Variants in NAV3 observed in about 807,000 individuals in gnomAD.
NAV3 encodes the protein pore membrane and/or filament interacting like protein 1.
NAV3 carries 87 observed loss-of-function variants against 244.7 expected under a neutral mutation model. That is an observed-to-expected ratio of 0.36 (90% CI 0.30 to 0.42). The LOEUF is 0.42. NAV3 is among the 20% of genes least tolerant of loss of function. The pLI is 1.00. For synonymous variants in NAV3, 1,126 were observed against 1,042.2 expected (o/e 1.08, Z -1.55); for missense variants, 2,663 against 2,893.3 (o/e 0.92, Z 1.83).
intron 2 of NAV3, among the ~76,000 whole-genome samples, chr12:77,774,797 A>T (rs1445031824): frequency 6.6e-6 from 1 of 152,228 alleles, no homozygotes; most frequent in Non-Finnish European, 1.5e-5. Context: ...AAAACATGTT[A>T]TTCTAATCTC....
At chr12:77,774,150 A>G (rs1870236136) in intron 2 of NAV3, among the ~76,000 whole-genome samples, 1 of 152,226 alleles carries the variant, frequency 6.6e-6, no homozygotes, top group Non-Finnish European at 1.5e-5. Flanking sequence ...TTATGCCCAT[A>G]TAAACAGCAT....
intron 7 of NAV3, among the ~76,000 whole-genome samples, chr12:77,999,168 C>T (rs533307439): frequency 3.9e-5 from 6 of 152,124 alleles, no homozygotes; most frequent in African/African-American, 9.6e-5. Flanking sequence ...GCAGAGAGGA[C>T]GGGGATGAGT....
intron 2 of NAV3, among the ~76,000 whole-genome samples, chr12:77,714,195 G>A (rs532307036): frequency 2.0e-5 from 3 of 152,190 alleles, no homozygotes; most frequent in Admixed American, 6.6e-5. Flanking sequence ...GCACAGAGAT[G>A]TCAGATCTCA....
intron 2 of NAV3, among the ~76,000 whole-genome samples, chr12:77,695,039 A>G (rs138984694): frequency 6.6e-6 from 1 of 152,312 alleles, no homozygotes; most frequent in African/African-American, 2.4e-5. Context: ...AAGCTGCTCT[A>G]AGAACTTTAT....
chr12:78,042,902 A>C (rs1881118145), intron 9 of NAV3, among the ~76,000 whole-genome samples: 1 of 152,200 alleles, frequency 6.6e-6, no homozygotes, highest in East Asian at 1.9e-4. Flanking sequence ...CACCCAGAAC[A>C]CCTTGAAATA....
rs541167470 is a variant in NAV3, at chr12:77,789,208, T to G, written c.73-151111T>G. Among the ~76,000 whole-genome samples, 4 of 152,110 alleles carry G rather than the reference T, an allele frequency of 2.6e-5. No homozygotes were observed. The East Asian group carries it at 7.7e-4, about 29-fold the overall frequency. ...TAAATTCTCTACTTCTTTGCCAGAG[T>G]GAGATTTCCTTGAATGCATGTCTGA... On this transcript the variant is annotated intron_variant, in intron 2 of 8. Coordinates refer to the NAV3 transcript ENST00000550042.
At chr12:77,789,942 A>G (rs1303512913) in intron 2 of NAV3, among the ~76,000 whole-genome samples, 1 of 152,136 alleles carries the variant, frequency 6.6e-6, no homozygotes, top group Non-Finnish European at 1.5e-5. Context: ...CCTGGGCCGA[A>G]TGTGGGTGGC....
chr12:77,864,505 A>G (rs1879719262), intron 1 of NAV3, among the ~76,000 whole-genome samples: 1 of 151,970 alleles, frequency 6.6e-6, no homozygotes, highest in Non-Finnish European at 1.5e-5. Context: ...ATAAATATTT[A>G]TGGAGCTTTG....
At chr12:77,583,709 A>G (rs1418129574) in intron 2 of NAV3, among the ~76,000 whole-genome samples, 1 of 152,150 alleles carries the variant, frequency 6.6e-6, no homozygotes, top group African/African-American at 2.4e-5. Flanking sequence ...TATAGCAATG[A>G]CCTTTTAAAT....
chr12:78,021,674 G>A (rs908305835), intron 8 of NAV3, 73 bp from the exon 9 acceptor site: 1 of 1,012,762 alleles, frequency 9.9e-7, no homozygotes, highest in Non-Finnish European at 1.5e-6. Flanking sequence ...AATATTTCTT[G>A]TAGAACTTCC....
intron 1 of NAV3, among the ~76,000 whole-genome samples, chr12:77,839,048 C>T (rs1402313): frequency 0.66 from 100,184 of 152,046 alleles, 37,836 homozygotes; most frequent in Non-Finnish European, 0.85. Context: ...TTGGCACCAG[C>T]GACATTTAGA....
At chr12:77,788,143 G>A (rs145991757) in intron 2 of NAV3, among the ~76,000 whole-genome samples, 2,344 of 152,110 alleles carry the variant, frequency 0.015, 58 homozygotes, top group African/African-American at 0.054. Flanking sequence ...ATAAATCATC[G>A]TCATGGAATT....
chr12:77,676,496 T>C (rs1874211104), intron 2 of NAV3, among the ~76,000 whole-genome samples: 1 of 151,894 alleles, frequency 6.6e-6, no homozygotes, highest in African/African-American at 2.4e-5. Context: ...TAGAAACAAG[T>C]GGGCTTTCTT....
chr12:77,855,380 T>C (rs182355274), intron 1 of NAV3, among the ~76,000 whole-genome samples: 2 of 152,302 alleles, frequency 1.3e-5, no homozygotes, highest in African/African-American at 4.8e-5. Context: ...TTAACATTGT[T>C]ACAAAATGAA....
At chr12:77,962,131 G>A (rs1475686378) in intron 3 of NAV3, among the ~76,000 whole-genome samples, 1 of 151,684 alleles carries the variant, frequency 6.6e-6, no homozygotes, top group Non-Finnish European at 1.5e-5. Flanking sequence ...CATACTTCCC[G>A]GTGGCTTTGT....
chr12:77,933,445 G>A (rs1385329157), intron 1 of NAV3, among the ~76,000 whole-genome samples: 1 of 152,140 alleles, frequency 6.6e-6, no homozygotes, highest in Non-Finnish European at 1.5e-5. Context: ...TTCAATTTAT[G>A]TTTACTTTAT....
intron 28 of NAV3, among the ~76,000 whole-genome samples, chr12:78,178,688 G>A (rs1958363677): frequency 6.6e-6 from 1 of 152,072 alleles, no homozygotes; most frequent in African/African-American, 2.4e-5. Context: ...ATAGAACAGG[G>A]CCACTGTGCT....
At chr12:77,902,108 A>C (rs561369318) in intron 1 of NAV3, among the ~76,000 whole-genome samples, 28 of 152,316 alleles carry the variant, frequency 1.8e-4, no homozygotes, top group African/African-American at 6.3e-4. Flanking sequence ...TGTTGTTTGC[A>C]AAAATTATCT....
intron 3 of NAV3, among the ~76,000 whole-genome samples, chr12:77,965,996 C>T (rs978867177): frequency 6.6e-6 from 1 of 152,106 alleles, no homozygotes; most frequent in African/African-American, 2.4e-5. Flanking sequence ...GCAAGAATGC[C>T]ATTCTTTATC....
Sources: allele counts gnomAD v4.1 joint callset (sites outside exome capture counted in the v4.1 genomes callset), GRCh38; gene constraint gnomAD v4.1.1; transcripts MANE v1.5; gene names NCBI Gene and HGNC (gene_info 2026-07-23, HGNC 2026-07-21).